LUZP2: variants seen among roughly 807,000 people sequenced by gnomAD.
LUZP2 encodes the protein leucine zipper protein 2.
In LUZP2, 52 loss-of-function variants were observed where a neutral mutation model predicts 51.6. The ratio of observed to expected loss-of-function variants is 1.01; its 90% CI spans 0.81 to 1.27. LUZP2 has a LOEUF of 1.27. Ranked by LOEUF, LUZP2 falls within the 50% of genes most tolerant of loss-of-function variation. The probability of loss-of-function intolerance (pLI) is 0.00; values close to 1 mark genes in which losing one functional copy is unlikely to be tolerated. For missense variants in LUZP2, 436 were observed against 395.4 expected (o/e 1.10, Z -0.87); for synonymous variants, 154 against 137.3 (o/e 1.12, Z -0.85).
chr11:25,036,063 C>CCCA (rs1857850072), intron 9 of LUZP2, among the ~76,000 whole-genome samples: 1 of 151,998 alleles, frequency 6.6e-6, no homozygotes, highest in South Asian at 2.1e-4. Context: ...CTTTGTATGT[C>CCCA]TGCTAAAATT....
intron 5 of LUZP2, among the ~76,000 whole-genome samples, chr11:24,882,508 A>G (rs1212400362): frequency 6.6e-6 from 1 of 152,028 alleles, no homozygotes; most frequent in Non-Finnish European, 1.5e-5. Context: ...CATTCTGTAC[A>G]TCCTGTGTGT....
At chr11:24,740,040 T>G (rs972467304) in intron 4 of LUZP2, among the ~76,000 whole-genome samples, 1 of 152,136 alleles carries the variant, frequency 6.6e-6, no homozygotes, top group African/African-American at 2.4e-5. Flanking sequence ...GCAATCACAT[T>G]TCTGCCGTGA....
intron 10 of LUZP2, among the ~76,000 whole-genome samples, chr11:25,068,642 T>A (rs369715498): frequency 5.9e-5 from 9 of 152,020 alleles, no homozygotes; most frequent in African/African-American, 2.2e-4. Context: ...GTGCTGTTCA[T>A]AAATCTCTTT....
intron 5 of LUZP2, among the ~76,000 whole-genome samples, chr11:24,770,640 C>T (rs1860373626): frequency 6.6e-6 from 1 of 152,118 alleles, no homozygotes; most frequent in Non-Finnish European, 1.5e-5. Context: ...TGGCCAATAT[C>T]GGATTCCCAA....
At chr11:24,525,471 C>T (rs563122734) in intron 1 of LUZP2, among the ~76,000 whole-genome samples, 2 of 151,454 alleles carry the variant, frequency 1.3e-5, no homozygotes, top group South Asian at 2.1e-4. Flanking sequence ...AAAATATTGG[C>T]TTTCATGTCT....
chr11:25,031,014 TA>T (rs752819669), intron 9 of LUZP2, among the ~76,000 whole-genome samples: 5,893 of 11,630 alleles, frequency 0.51, 1,752 homozygotes, highest in East Asian at 0.7. Flanking sequence ...TATATATATA[TA>T]TTTTTTTTTT....
intron 1 of LUZP2, among the ~76,000 whole-genome samples, chr11:24,593,246 A>G (rs1170369879): frequency 6.6e-6 from 1 of 152,134 alleles, no homozygotes; most frequent in Non-Finnish European, 1.5e-5. Context: ...TATATTGCAA[A>G]TGTCTTACAT....
chr11:24,964,794 C>A (rs955225538), intron 7 of LUZP2, among the ~76,000 whole-genome samples: 20 of 151,648 alleles, frequency 1.3e-4, no homozygotes, highest in Non-Finnish European at 2.9e-5. Flanking sequence ...TATCTCAAAG[C>A]ATTTTTTTTT....
intron 1 of LUZP2, among the ~76,000 whole-genome samples, chr11:24,573,115 T>C (rs1413245858): frequency 1.0e-5 from 1 of 97,048 alleles, no homozygotes; most frequent in African/African-American, 3.1e-5. Flanking sequence ...AAAGAGAAAT[T>C]GTTTTTTCAA....
At chr11:24,870,800 A>G (rs1852047744) in intron 5 of LUZP2, among the ~76,000 whole-genome samples, 1 of 152,066 alleles carries the variant, frequency 6.6e-6, no homozygotes, top group Non-Finnish European at 1.5e-5. Context: ...TTCTATTATA[A>G]TCTTCATCCT....
In LUZP2 at chr11:24,607,833, T is replaced by TA. The variant is rs1554962798; in HGVS notation, c.62+110528_62+110529insA. Among the ~76,000 whole-genome samples, 239 of 144,256 alleles carry TA rather than the reference T, an allele frequency of 1.7e-3. 1 individual carries two copies. The highest frequency in any genetic ancestry group is 5.9e-3 in the African/African-American group (223 of 37,702). 94.6% of individuals were successfully genotyped at this position (144,256 alleles called of 152,430 possible). ...TGGTACATCTATCTCTATTTTATTT[T>TA]TTTTTTTCATTTTTTATTTTAGTTT... On this transcript the variant is annotated intron_variant, in intron 1 of 11. Coordinates refer to ENST00000336930, the MANE Select transcript of LUZP2 (RefSeq NM_001009909.4).
intron 7 of LUZP2, among the ~76,000 whole-genome samples, chr11:24,970,354 A>C (rs1192357165): frequency 6.6e-6 from 1 of 152,160 alleles, no homozygotes; most frequent in African/African-American, 2.4e-5. Flanking sequence ...TATTACTTTT[A>C]ATGTGAAATT....
At chr11:25,067,141 A>G (rs544131344) in intron 10 of LUZP2, among the ~76,000 whole-genome samples, 14 of 152,110 alleles carry the variant, frequency 9.2e-5, no homozygotes, top group African/African-American at 3.1e-4. Context: ...CATGTAGTGT[A>G]GGTTTTAGGC....
chr11:24,830,808 C>T (rs1850678684), intron 5 of LUZP2, among the ~76,000 whole-genome samples: 1 of 151,710 alleles, frequency 6.6e-6, no homozygotes, highest in Non-Finnish European at 1.5e-5. Flanking sequence ...TCCTGGCTAA[C>T]CTGGTGAAAC....
At chr11:24,799,382 G>A (rs1312050569) in intron 5 of LUZP2, among the ~76,000 whole-genome samples, 2 of 151,990 alleles carry the variant, frequency 1.3e-5, no homozygotes, top group African/African-American at 4.8e-5. Flanking sequence ...GGGATCACGA[G>A]GTCAGGAGTT....
chr11:24,724,648 C>T (rs899153317), intron 1 of LUZP2, among the ~76,000 whole-genome samples: 20 of 152,024 alleles, frequency 1.3e-4, no homozygotes, highest in East Asian at 3.9e-4. Context: ...CTCCTCTATT[C>T]GACATTGTTT....
chr11:25,013,340 GTGT>G (rs1267852251), intron 9 of LUZP2, among the ~76,000 whole-genome samples: 4 of 152,024 alleles, frequency 2.6e-5, no homozygotes, highest in Non-Finnish European at 5.9e-5. Flanking sequence ...CAAAAATGTA[GTGT>G]ACTTGGGTGA....
At chr11:24,873,508 T>G (rs1852148708) in intron 5 of LUZP2, among the ~76,000 whole-genome samples, 1 of 152,142 alleles carries the variant, frequency 6.6e-6, no homozygotes, top group East Asian at 1.9e-4. Flanking sequence ...TCCTCCCTTT[T>G]TCCTTCAGAT....
At chr11:24,761,099 G>C (rs1276310696) in intron 4 of LUZP2, among the ~76,000 whole-genome samples, 3 of 152,072 alleles carry the variant, frequency 2.0e-5, no homozygotes, top group African/African-American at 7.2e-5. Flanking sequence ...GTATTAATCT[G>C]TTCTTGCATT....
Sources: gnomAD v4.1 joint callset for allele counts (sites outside exome capture counted in the v4.1 genomes callset) on GRCh38, gnomAD v4.1.1 for gene constraint, MANE v1.5 for transcripts, NCBI Gene and HGNC (gene_info 2026-07-23, HGNC 2026-07-21) for gene names.